Variants in IGFBP7 observed in about 807,000 individuals in gnomAD.
IGFBP7 encodes the protein insulin like growth factor binding protein 7, also known as insulin-like growth factor-binding protein 7.
Under a neutral mutation model 29.4 loss-of-function variants are expected in IGFBP7, and 31 were observed. That is an observed-to-expected ratio of 1.05 (90% CI 0.79 to 1.42). IGFBP7 has a LOEUF of 1.42. IGFBP7 is among the 40% of genes most tolerant of loss of function. The pLI is 0.00. For synonymous variants in IGFBP7, 172 were observed against 174.9 expected, an observed-to-expected ratio of 0.98 and a Z score of 0.13; for missense variants, 393 against 395.5, an observed-to-expected ratio of 0.99 and a Z score of 0.05.
At position 57,073,027 on chromosome 4, in the gene IGFBP7, T is replaced by C. The variant is rs560944209; in HGVS notation, c.476-32094A>G. 6.8e-6 allele frequency: 8 copies of C among 1,174,000 alleles called. No individual in the cohort carries two copies. The East Asian group carries it at 1.7e-4, about 25-fold the overall frequency. The allele number at this position is 1,174,000 out of a possible 1,614,324, so 72.7% of individuals were successfully genotyped here. ...GCCTTCGAGGCAAACCCAACATTGA[T>C]AGCTCGTTGAACAGGCATGCTGCCA... On this transcript the variant is annotated intron_variant, in intron 1 of 4. Transcript: ENST00000295666.
At chr4:57,086,058 T>C (rs949844321) in intron 1 of IGFBP7, among the ~76,000 whole-genome samples, 5 of 152,188 alleles carry the variant, frequency 3.3e-5, no homozygotes, top group Non-Finnish European at 7.3e-5. Flanking sequence ...AGAGGTTTAA[T>C]GGACTCACAG....
rs1258689358 is a variant in IGFBP7, at chr4:57,083,293, C to T, written c.475+26584G>A. On this transcript the variant is annotated intron_variant, in intron 1 of 4. Coordinates refer to ENST00000295666, the MANE Select transcript of IGFBP7 (RefSeq NM_001553.3). ...ATAGTGCAGGAAGGTCCCCATTTCCCTGCACATTTCCCAGCAGTGGGAGTG... is the reference window on the plus strand; with the variant it reads ...ATAGTGCAGGAAGGTCCCCATTTCCTTGCACATTTCCCAGCAGTGGGAGTG... Among the ~76,000 whole-genome samples, 3 of 152,258 alleles carry T rather than the reference C, an allele frequency of 2.0e-5. No individual in the cohort carries two copies. In the East Asian group the frequency reaches 5.8e-4, roughly 29 times the overall value.
Position 57,110,308 on chromosome 4 carries a change from C to A in IGFBP7, c.44G>T (p.Gly15Val). 7.1e-7 allele frequency: 1 copy of A among 1,416,468 alleles called. No individual in the cohort carries two copies. The highest frequency in any genetic ancestry group is 1.4e-5 in the South Asian group (1 of 69,628). The allele number at this position is 1,416,468 out of a possible 1,614,324, so 87.7% of individuals were successfully genotyped here. Residue 15 changes from glycine (G) to valine (V), a missense_variant, in exon 1 of 5, where the codon GGG becomes GTG. Transcript: ENST00000295666. The part of the protein sequence containing the change: ...SLRALLLGAA[G>V]LLLLLLPLSS... ...GAGGGGCAGGAGCAGGAGCAGCAGCCCAGCGGCGCCGAGGAGCAGGGCGCG... is the reference window on the plus strand; with the variant it reads ...GAGGGGCAGGAGCAGGAGCAGCAGCACAGCGGCGCCGAGGAGCAGGGCGCG...
chr4:57,047,150 T>TG (rs1174219599), intron 1 of IGFBP7, among the ~76,000 whole-genome samples: 1 of 152,124 alleles, frequency 6.6e-6, no homozygotes, highest in Non-Finnish European at 1.5e-5. Context: ...TGTCATGGGT[T>TG]GGGGGGTACG....
chr4:57,045,264 C>T (rs1481783767), intron 1 of IGFBP7, among the ~76,000 whole-genome samples: 2 of 152,186 alleles, frequency 1.3e-5, no homozygotes, highest in African/African-American at 2.4e-5. Context: ...TCCACTGACT[C>T]CTGCTGGGGT....
intron 1 of IGFBP7, among the ~76,000 whole-genome samples, chr4:57,090,470 A>T (rs1725611412): frequency 6.6e-6 from 1 of 152,196 alleles, no homozygotes; most frequent in African/African-American, 2.4e-5. Context: ...TTTTATTCAA[A>T]CTGACTGAAC....
chr4:57,082,201 T>C lies in IGFBP7; in HGVS notation c.475+27676A>G, dbSNP rs371754845. 1.6e-4 allele frequency among the ~76,000 whole-genome samples: 25 copies of C among 152,246 alleles called. No individual in the cohort carries two copies. The East Asian group carries it at 4.8e-3, about 29-fold the overall frequency. The stretch of plus-strand genomic sequence containing the variant: ...TTTGGGGTCAAGAATCCTCTTTGTC[T>C]CTACATCAGAAGTGGAGGAACAGGT... On this transcript the variant is annotated intron_variant, in intron 1 of 4. Coordinates refer to ENST00000295666, the MANE Select transcript of IGFBP7 (RefSeq NM_001553.3).
intron 1 of IGFBP7, among the ~76,000 whole-genome samples, chr4:57,094,137 G>A (rs1349945940): frequency 6.6e-6 from 1 of 152,122 alleles, no homozygotes; most frequent in African/African-American, 2.4e-5. Flanking sequence ...CTTAGAGCAG[G>A]GGCAGTCTTT....
At position 57,106,153 on chromosome 4, in the gene IGFBP7, G is replaced by A. The variant is rs192409355; in HGVS notation, c.475+3724C>T. Among the ~76,000 whole-genome samples the A allele has an allele frequency of 7.3e-3, 1,110 of 152,210 alleles. 8 individuals carry two copies. Among genetic ancestry groups the A allele is most frequent in the African/African-American group, 0.025 (1,018 of 41,534 alleles). On this transcript the variant is annotated intron_variant, in intron 1 of 4. Transcript: ENST00000295666. Reference sequence around the variant, plus strand: ...GATCTCCTGATCTCGTGATCCGCCCGCCTCGGCCTCCCAAAGTGCTGGGAT... The same window carrying A: ...GATCTCCTGATCTCGTGATCCGCCCACCTCGGCCTCCCAAAGTGCTGGGAT...
intron 2 of IGFBP7, among the ~76,000 whole-genome samples, chr4:57,040,328 CT>C (rs1724190668): frequency 6.6e-6 from 1 of 152,102 alleles, no homozygotes; most frequent in African/African-American, 2.4e-5. Context: ...ATAATAATGC[CT>C]CCAAGCAGAC....
intron 1 of IGFBP7, among the ~76,000 whole-genome samples, chr4:57,069,367 T>G (rs1303033602): frequency 2.0e-5 from 3 of 151,986 alleles, no homozygotes; most frequent in African/African-American, 7.3e-5. Context: ...GGTGAGAGGA[T>G]TGTTGGGGCC....
chr4:57,032,435 C>A lies in IGFBP7; in HGVS notation c.820G>T (p.Val274Leu). Residue 274 changes from valine to leucine, a missense_variant, in exon 4 of 5, where the codon GTG becomes TTG. Coordinates refer to ENST00000295666, the MANE Select transcript of IGFBP7 (RefSeq NM_001553.3). ...TVVDALHEIPVKKGEGAEL is the reference protein window; with the variant it reads ...TVVDALHEIPLKKGEGAEL ...GAGATTTATTGTGTACCTTTTTTCACTGGTATTTCATGTAAGGCATCAACC... is the reference window on the plus strand; with the variant it reads ...GAGATTTATTGTGTACCTTTTTTCAATGGTATTTCATGTAAGGCATCAACC... The A allele has an allele frequency of 6.2e-7, 1 of 1,612,742 alleles. No homozygotes were observed. Among genetic ancestry groups the A allele is most frequent in the Non-Finnish European group, 8.5e-7 (1 of 1,179,422 alleles).
At chr4:57,073,021 C>A in intron 1 of IGFBP7, 1 of 1,130,524 alleles carries the variant, frequency 8.8e-7, no homozygotes, top group Non-Finnish European at 1.3e-6. Flanking sequence ...GCAAACCCAA[C>A]ATTGATAGCT....
chr4:57,076,136 C>T (rs1267717930), intron 1 of IGFBP7, among the ~76,000 whole-genome samples: 3 of 152,146 alleles, frequency 2.0e-5, no homozygotes, highest in Non-Finnish European at 4.4e-5. Context: ...TAGATGGCTG[C>T]CTTCTTGCTG....
chr4:57,070,603 G>A (rs890283195), intron 1 of IGFBP7, among the ~76,000 whole-genome samples: 49 of 152,174 alleles, frequency 3.2e-4, no homozygotes, highest in African/African-American at 1.2e-3. Flanking sequence ...AAATGAGTTG[G>A]ATGCCCCAGG....
intron 1 of IGFBP7, among the ~76,000 whole-genome samples, chr4:57,060,633 G>T (rs1340818963): frequency 1.3e-5 from 2 of 152,146 alleles, no homozygotes; most frequent in South Asian, 4.1e-4. Context: ...ACAGCAAAGG[G>T]TTTATGGAGA....
At chr4:57,032,600 T>C (rs1420906890) in intron 3 of IGFBP7, 48 bp from the exon 4 acceptor site, 1 of 1,431,808 alleles carries the variant, frequency 7.0e-7, no homozygotes, top group Non-Finnish European at 9.9e-7. Context: ...GTCTTCTCTT[T>C]TGTCAGTGGT....
chr4:57,056,211 C>G (rs1724669734), intron 1 of IGFBP7, among the ~76,000 whole-genome samples: 2 of 152,294 alleles, frequency 1.3e-5, no homozygotes, highest in South Asian at 4.1e-4. Context: ...CTATCCCATC[C>G]TTTGCTCATG....
intron 1 of IGFBP7, among the ~76,000 whole-genome samples, chr4:57,068,285 CAAAAA>C (rs199520507): frequency 2.7e-5 from 2 of 73,842 alleles, no homozygotes; most frequent in African/African-American, 4.6e-5. Flanking sequence ...GACCCTGTCT[CAAAAA>C]AAAAAAAAAA....
Sources: allele counts gnomAD v4.1 joint callset (sites outside exome capture counted in the v4.1 genomes callset), GRCh38; gene constraint gnomAD v4.1.1; transcripts MANE v1.5; gene names NCBI Gene and HGNC (gene_info 2026-07-23, HGNC 2026-07-21).